Variants in RXFP1 observed in about 807,000 individuals in gnomAD.
RXFP1 encodes relaxin receptor 1.
RXFP1 carries 73 observed loss-of-function variants against 89.8 expected under a neutral mutation model. The observed-to-expected ratio is 0.81, with a 90% CI of 0.67 to 0.99. The LOEUF is 0.99. RXFP1 is among the 50% of genes least tolerant of loss of function. The probability of loss-of-function intolerance (pLI) is 0.00; values close to 1 mark genes in which losing one functional copy is unlikely to be tolerated. For missense variants in RXFP1, 793 were observed against 895.5 expected (o/e 0.89, Z 1.46); for synonymous variants, 277 against 305.5 (o/e 0.91, Z 0.97).
chr4:158,556,022 A>G (rs1751204239), intron 1 of RXFP1, among the ~76,000 whole-genome samples: 1 of 152,196 alleles, frequency 6.6e-6, no homozygotes, highest in Non-Finnish European at 1.5e-5. Context: ...TGGGCTTGGC[A>G]AAGATTTTTT....
chr4:158,649,784 A>T (rs1210416281), intron 17 of RXFP1, among the ~76,000 whole-genome samples: 1 of 152,250 alleles, frequency 6.6e-6, no homozygotes, highest in Non-Finnish European at 1.5e-5. Flanking sequence ...GCTATGGAAG[A>T]CAATATGGCA....
At chr4:158,547,062 G>C (rs1162948659) in intron 1 of RXFP1, among the ~76,000 whole-genome samples, 1 of 152,184 alleles carries the variant, frequency 6.6e-6, no homozygotes, top group Non-Finnish European at 1.5e-5. Context: ...GAATTCGGCT[G>C]TGAATCCATC....
At chr4:158,540,128 G>C (rs533425572) in intron 1 of RXFP1, among the ~76,000 whole-genome samples, 1 of 152,104 alleles carries the variant, frequency 6.6e-6, no homozygotes, top group African/African-American at 2.4e-5. Context: ...TGCATCTCAC[G>C]CAAGAAAGAA....
At chr4:158,634,242 G>A (rs1046129467) in intron 12 of RXFP1, among the ~76,000 whole-genome samples, 2 of 152,106 alleles carry the variant, frequency 1.3e-5, no homozygotes, top group Admixed American at 6.6e-5. Flanking sequence ...GTATCTCACT[G>A]TGATTTTGTT....
intron 8 of RXFP1, among the ~76,000 whole-genome samples, chr4:158,614,849 T>C (rs1764243315): frequency 6.6e-6 from 1 of 152,224 alleles, no homozygotes; most frequent in Non-Finnish European, 1.5e-5. Context: ...AATGCCTTCC[T>C]TACTATGTTT....
chr4:158,561,570 T>A (rs2149940503), intron 1 of RXFP1, among the ~76,000 whole-genome samples: 1 of 152,212 alleles, frequency 6.6e-6, no homozygotes, highest in African/African-American at 2.4e-5. Flanking sequence ...CTAAAACTCT[T>A]ATGTTTCCAA....
chr4:158,564,758 G>A (rs755694873), intron 1 of RXFP1, among the ~76,000 whole-genome samples: 1 of 152,106 alleles, frequency 6.6e-6, no homozygotes, highest in East Asian at 1.9e-4. Context: ...AACTCTTTGG[G>A]CATACTTTTC....
chr4:158,565,886 C>A (rs1463093164), intron 1 of RXFP1, among the ~76,000 whole-genome samples: 4 of 152,144 alleles, frequency 2.6e-5, no homozygotes, highest in African/African-American at 9.7e-5. Flanking sequence ...CTTGTACTAC[C>A]TGACAGGTTG....
chr4:158,626,124 ATAGATAGATAG>A (rs760942012), intron 9 of RXFP1, among the ~76,000 whole-genome samples: 95 of 111,436 alleles, frequency 8.5e-4, no homozygotes, highest in Non-Finnish European at 1.8e-3. Flanking sequence ...AGATAGATAG[ATAGATAGATAG>A]ATAGATAGAT....
intron 1 of RXFP1, among the ~76,000 whole-genome samples, chr4:158,552,941 C>T (rs1579557675): frequency 6.6e-6 from 1 of 152,236 alleles, no homozygotes; most frequent in East Asian, 1.9e-4. Context: ...TCCCAGCACA[C>T]TGGGAGGCTG....
At chr4:158,605,354 C>A (rs1762373919) in intron 5 of RXFP1, among the ~76,000 whole-genome samples, 1 of 152,088 alleles carries the variant, frequency 6.6e-6, no homozygotes, top group African/African-American at 2.4e-5. Flanking sequence ...ACACATATTT[C>A]CAAAGGAACT....
intron 1 of RXFP1, 102 bp downstream of exon 1, chr4:158,522,127 C>T: frequency 1.5e-6 from 1 of 661,772 alleles, no homozygotes; most frequent in Non-Finnish European, 2.5e-6. Flanking sequence ...AGATAAAATG[C>T]ACTTGCTGAT....
At chr4:158,595,788 A>C (rs1037034054) in intron 3 of RXFP1, among the ~76,000 whole-genome samples, 2 of 152,220 alleles carry the variant, frequency 1.3e-5, no homozygotes, top group Admixed American at 1.3e-4. Context: ...TTCACAGGGT[A>C]CTCAGCAATC....
At chr4:158,640,111 A>G (rs1194128037) in intron 14 of RXFP1, among the ~76,000 whole-genome samples, 1 of 152,192 alleles carries the variant, frequency 6.6e-6, no homozygotes, top group African/African-American at 2.4e-5. Context: ...CTAAACAATA[A>G]TTAAAACTCT....
At chr4:158,646,495 A>G (rs902983946) in intron 15 of RXFP1, 7 of 1,264,602 alleles carry the variant, frequency 5.5e-6, no homozygotes, top group Admixed American at 3.3e-5. Flanking sequence ...CGACACTTCT[A>G]TGTGATGGGT....
intron 10 of RXFP1, among the ~76,000 whole-genome samples, chr4:158,627,505 GT>G (rs1290871162): frequency 0.19 from 234 of 1,254 alleles, no homozygotes; most frequent in African/African-American, 0.32. Flanking sequence ...GAGCCTTAGG[GT>G]GTGTGTGTGT....
intron 2 of RXFP1, among the ~76,000 whole-genome samples, chr4:158,587,783 T>G (rs149766913): frequency 9.8e-5 from 15 of 152,322 alleles, no homozygotes; most frequent in Admixed American, 4.6e-4. Flanking sequence ...TCTGCTTATA[T>G]ATATCTGTAA....
At chr4:158,585,648 C>T (rs573950390) in intron 2 of RXFP1, among the ~76,000 whole-genome samples, 42 of 151,798 alleles carry the variant, frequency 2.8e-4, no homozygotes, top group Middle Eastern at 3.4e-3. Flanking sequence ...TTAAAAGTAC[C>T]TTATGACATT....
chr4:158,649,435 G>A (rs1323227989), intron 17 of RXFP1, among the ~76,000 whole-genome samples: 1 of 151,926 alleles, frequency 6.6e-6, no homozygotes, highest in Non-Finnish European at 1.5e-5. Context: ...GATAATAGAA[G>A]CAAACATTCT....
Sources: gnomAD v4.1 joint callset for allele counts (sites outside exome capture counted in the v4.1 genomes callset) on GRCh38, gnomAD v4.1.1 for gene constraint, MANE v1.5 for transcripts, NCBI Gene and HGNC (gene_info 2026-07-23, HGNC 2026-07-21) for gene names.